XXYLT1: variants seen among roughly 807,000 people sequenced by gnomAD.
The protein encoded by XXYLT1 is UDP-xylose:alpha-xyloside alpha-1,3-xylosyltransferase.
A neutral mutation model predicts 28.9 loss-of-function variants in XXYLT1; 20 were observed. The observed-to-expected ratio is 0.69, with a 90% CI of 0.49 to 1.00. The LOEUF (loss-of-function observed/expected upper bound fraction) is 1.00, where lower values mean the gene tolerates loss of function less well. Among genes scored for constraint, XXYLT1 ranks in the 50% least tolerant of loss-of-function variants. The probability of loss-of-function intolerance (pLI) is 0.00; values close to 1 mark genes in which losing one functional copy is unlikely to be tolerated. For missense variants in XXYLT1, 542 were observed against 560.1 expected, an observed-to-expected ratio of 0.97 and a Z score of 0.33; for synonymous variants, 257 against 253.8, an observed-to-expected ratio of 1.01 and a Z score of -0.12.
chr3:195,202,551 A>T (rs998889032), intron 2 of XXYLT1, among the ~76,000 whole-genome samples: 1 of 152,204 alleles, frequency 6.6e-6, no homozygotes, highest in Admixed American at 6.6e-5. Context: ...AAGCTTTAGA[A>T]CATTCTGGTT....
intron 3 of XXYLT1, chr3:195,122,333 A>C: frequency 3.3e-6 from 2 of 601,430 alleles, no homozygotes; most frequent in Non-Finnish European, 5.9e-6. Flanking sequence ...GAGGTTAAAA[A>C]CGCAGATGGG....
At chr3:195,199,538 G>A (rs1722765081) in intron 2 of XXYLT1, among the ~76,000 whole-genome samples, 1 of 152,068 alleles carries the variant, frequency 6.6e-6, no homozygotes, top group African/African-American at 2.4e-5. Flanking sequence ...GTGAACCCGG[G>A]AGGCGGAGCT....
chr3:195,238,470 C>G (rs545764648), intron 1 of XXYLT1, among the ~76,000 whole-genome samples: 1 of 152,204 alleles, frequency 6.6e-6, no homozygotes, highest in Non-Finnish European at 1.5e-5. Flanking sequence ...AGGCAGAGGC[C>G]GTGACTGCTC....
Position 195,270,831 on chromosome 3 carries a change from GC to G in XXYLT1, c.227del (p.Gly76AlafsTer27). ...TCGCGCCGGGGGCTGGCGCCACGGA[GC>G]CCCGCGCTAGCTCCAGCGCGGGCGG... ...PSPPALELAR[G>X]SVAPAPGAKA... On this transcript the variant is annotated frameshift_variant, in exon 1 of 4. Transcript: ENST00000310380. LOFTEE classifies it high-confidence loss of function. 6.8e-7 allele frequency: 1 copy of G among 1,466,760 alleles called. No individual in the cohort carries two copies. 90.9% of individuals were successfully genotyped at this position (1,466,760 alleles called of 1,614,324 possible). A position where few individuals can be genotyped will look rare whatever the true frequency, so the allele number is the denominator to read the frequency against.
In XXYLT1 at chr3:195,270,325, G is replaced by A. The variant is rs979684849; in HGVS notation, c.504+230C>T. On this transcript the variant is annotated intron_variant, in intron 1 of 3. Coordinates refer to ENST00000310380, the MANE Select transcript of XXYLT1 (RefSeq NM_152531.5). ...GCTTAACTGGGGGAGAGGAAAACGA[G>A]GCGGTCATTAAAAACGCAGCTCCAC... is the stretch of plus-strand genomic sequence containing the variant. 4.8e-5 allele frequency: 49 copies of A among 1,017,424 alleles called. No homozygotes were observed. In the African/African-American group the frequency reaches 7.2e-4, roughly 15 times the overall value. The allele number at this position is 1,017,424 out of a possible 1,614,324, so 63.0% of individuals were successfully genotyped here.
intron 3 of XXYLT1, among the ~76,000 whole-genome samples, chr3:195,072,569 C>T (rs926696465): frequency 6.6e-6 from 1 of 152,108 alleles, no homozygotes; most frequent in East Asian, 1.9e-4. Context: ...ATGCTCAGCA[C>T]CACCACTCAA....
rs1725443657 is a variant in XXYLT1, at chr3:195,255,448, G to C, written c.504+15107C>G. Among the ~76,000 whole-genome samples the C allele has an allele frequency of 6.6e-6, 1 of 151,064 alleles. No homozygotes were observed. Among genetic ancestry groups the C allele is most frequent in the South Asian group, 2.1e-4 (1 of 4,830 alleles). ...TGGGTTGGAGGGAGCCATGACTCTG[G>C]GCCTGCAGCTGAGGAGGCTGCAAAG... On this transcript the variant is annotated intron_variant, in intron 1 of 3. Transcript: ENST00000310380. The surrounding 1 kb of genome is among the most constrained non-coding windows in gnomAD (Gnocchi z 4.5).
rs546692572 is a variant in XXYLT1, at chr3:195,093,140, G to A, written c.786-23029C>T. Among the ~76,000 whole-genome samples, 10 of 81,364 alleles carry A rather than the reference G, an allele frequency of 1.2e-4. 3 individuals carry two copies. The East Asian group carries it at 0.021, about 171-fold the overall frequency. The allele number at this position is 81,364 out of a possible 152,430, so 53.4% of individuals were successfully genotyped here. A position where few individuals can be genotyped will look rare whatever the true frequency, so the allele number is the denominator to read the frequency against. On this transcript the variant is annotated intron_variant, in intron 3 of 3. Transcript: ENST00000310380. Reference sequence around the variant, plus strand: ...AGTGTGGCGATTCCTCAGGGATCTAGAACTGGAAATACCATTTGACCCAGC... The same window carrying A: ...AGTGTGGCGATTCCTCAGGGATCTAAAACTGGAAATACCATTTGACCCAGC...
intron 1 of XXYLT1, among the ~76,000 whole-genome samples, chr3:195,245,736 T>C (rs919049308): frequency 1.3e-5 from 2 of 152,176 alleles, no homozygotes; most frequent in African/African-American, 2.4e-5. Context: ...GTTAGCACCA[T>C]CTCCTTGGAT....
intron 2 of XXYLT1, among the ~76,000 whole-genome samples, chr3:195,174,818 T>C (rs777776800): frequency 6.6e-6 from 1 of 151,706 alleles, no homozygotes; most frequent in Non-Finnish European, 1.5e-5. Context: ...GGTCCCACTA[T>C]GTTGCCTGAG....
chr3:195,237,846 A>G (rs900329985), intron 1 of XXYLT1, among the ~76,000 whole-genome samples: 9 of 151,958 alleles, frequency 5.9e-5, no homozygotes, highest in African/African-American at 2.2e-4. Flanking sequence ...TTTTCCAGAC[A>G]CAGAATCCAG....
chr3:195,096,782 G>A (rs1043893558), intron 3 of XXYLT1, among the ~76,000 whole-genome samples: 2 of 152,208 alleles, frequency 1.3e-5, no homozygotes, highest in Non-Finnish European at 2.9e-5. Context: ...GGTTTCCATA[G>A]AGGATAATTT....
chr3:195,260,555 C>G (rs1725661903), intron 1 of XXYLT1, among the ~76,000 whole-genome samples: 1 of 152,232 alleles, frequency 6.6e-6, no homozygotes, highest in Non-Finnish European at 1.5e-5. Context: ...CGAGGCACAT[C>G]CAGGAGGAGA....
rs1382505417 is a variant in XXYLT1, at chr3:195,115,196, G to T, written c.785+41253C>A. 1.3e-5 allele frequency among the ~76,000 whole-genome samples: 2 copies of T among 152,226 alleles called. No individual in the cohort carries two copies. Among genetic ancestry groups the T allele is most frequent in the African/African-American group, 4.8e-5 (2 of 41,458 alleles). ...TGCTCACATGAGACGTGCCCGGTGA[G>T]AATGTGGCTTCTGGCTGTCACTGCT... On this transcript the variant is annotated intron_variant, in intron 3 of 3. Transcript: ENST00000310380. This position sits in a 1 kb window ranked among gnomAD's most constrained non-coding sequence, Gnocchi z 4.2.
At chr3:195,148,292 C>T (rs963666479) in intron 3 of XXYLT1, among the ~76,000 whole-genome samples, 7 of 152,196 alleles carry the variant, frequency 4.6e-5, no homozygotes, top group Admixed American at 3.3e-4. Context: ...GGTTATAGCA[C>T]GGCCTCCAGG....
chr3:195,205,167 G>C (rs557909757), intron 2 of XXYLT1, among the ~76,000 whole-genome samples: 2 of 152,336 alleles, frequency 1.3e-5, no homozygotes, highest in Admixed American at 6.5e-5. Context: ...AAAAGACCCA[G>C]CTACTGTACT....
At chr3:195,202,912 G>T (rs1375209688) in intron 2 of XXYLT1, among the ~76,000 whole-genome samples, 1 of 152,144 alleles carries the variant, frequency 6.6e-6, no homozygotes, top group African/African-American at 2.4e-5. Flanking sequence ...ATCTTGGAAT[G>T]AAGCCTTTTC....
At chr3:195,244,332 T>C (rs996864650) in intron 1 of XXYLT1, among the ~76,000 whole-genome samples, 1 of 152,348 alleles carries the variant, frequency 6.6e-6, no homozygotes, top group Admixed American at 6.5e-5. Flanking sequence ...AGGGCAGCTC[T>C]GGGTCCTGGG....
chr3:195,175,552 G>A (rs557441166), intron 2 of XXYLT1: 1 of 1,531,496 alleles, frequency 6.5e-7, no homozygotes, highest in Non-Finnish European at 8.7e-7. Context: ...ATTCCTAGGG[G>A]TAGTTAGGAC....
Sources: gnomAD v4.1 joint callset for allele counts (sites outside exome capture counted in the v4.1 genomes callset) on GRCh38, gnomAD v4.1.1 for gene constraint, Gnocchi (gnomAD v3.1) non-coding constraint, MANE v1.5 for transcripts, NCBI Gene and HGNC (gene_info 2026-07-23, HGNC 2026-07-21) for gene names.